Variants in SH3RF3 observed in about 807,000 individuals in gnomAD.
SH3RF3 encodes SH3 domain containing ring finger 3.
In SH3RF3, 29 loss-of-function variants were observed where a neutral mutation model predicts 66.3. The observed-to-expected ratio is 0.44, with a 90% CI of 0.33 to 0.60. The LOEUF (loss-of-function observed/expected upper bound fraction) is 0.60, where lower values mean the gene tolerates loss of function less well. Among genes scored for constraint, SH3RF3 ranks in the 20% least tolerant of loss-of-function variants. SH3RF3 has a pLI of 0.04. For synonymous variants in SH3RF3, 583 were observed against 532.0 expected (o/e 1.10, Z -1.32); for missense variants, 1,194 against 1,190.9 (o/e 1.00, Z -0.04).
At chr2:109,415,471 G>C (rs1436038863) in intron 4 of SH3RF3, among the ~76,000 whole-genome samples, 1 of 152,170 alleles carries the variant, frequency 6.6e-6, no homozygotes, top group Non-Finnish European at 1.5e-5. Context: ...GGGTGCTACA[G>C]TCGCGGCTGC....
chr2:109,135,399 G>A (rs1259774048), intron 1 of SH3RF3, among the ~76,000 whole-genome samples: 1 of 152,248 alleles, frequency 6.6e-6, no homozygotes, highest in African/African-American at 2.4e-5. Flanking sequence ...CATCTGCCCC[G>A]GGGCAAATGG....
At chr2:109,213,939 A>G (rs1679051209) in intron 1 of SH3RF3, among the ~76,000 whole-genome samples, 1 of 152,174 alleles carries the variant, frequency 6.6e-6, no homozygotes, top group Admixed American at 6.5e-5. Flanking sequence ...TGACTCAGTG[A>G]CTGCCCTCAG....
intron 1 of SH3RF3, among the ~76,000 whole-genome samples, chr2:109,159,730 A>G (rs1211813445): frequency 2.6e-5 from 4 of 152,116 alleles, no homozygotes; most frequent in African/African-American, 9.7e-5. Flanking sequence ...CTTGATTTCC[A>G]TCTTTTGTCT....
intron 1 of SH3RF3, among the ~76,000 whole-genome samples, chr2:109,185,245 G>T (rs1678158549): frequency 6.6e-6 from 1 of 152,186 alleles, no homozygotes; most frequent in African/African-American, 2.4e-5. Flanking sequence ...ATTTGACAGG[G>T]ACATGTTATC....
intron 5 of SH3RF3, among the ~76,000 whole-genome samples, chr2:109,429,882 G>C (rs1350074478): frequency 6.6e-6 from 1 of 152,326 alleles, no homozygotes; most frequent in South Asian, 2.1e-4. Flanking sequence ...GCTGTGCAGG[G>C]AGCCTGCAGT....
intron 8 of SH3RF3, among the ~76,000 whole-genome samples, chr2:109,468,855 GAAAAAAA>G (rs397940375): frequency 2.3e-4 from 15 of 64,862 alleles, no homozygotes; most frequent in African/African-American, 6.0e-4. Context: ...CTCTGTCTCA[GAAAAAAA>G]AAAAAAAAAA....
At chr2:109,235,556 AC>A (rs1316513431) in intron 1 of SH3RF3, among the ~76,000 whole-genome samples, 1 of 152,196 alleles carries the variant, frequency 6.6e-6, no homozygotes, top group Non-Finnish European at 1.5e-5. Context: ...GCTGGAAGTG[AC>A]TGGTAAGATG....
intron 1 of SH3RF3, among the ~76,000 whole-genome samples, chr2:109,139,021 G>C (rs533201203): frequency 6.6e-6 from 1 of 152,212 alleles, no homozygotes; most frequent in Non-Finnish European, 1.5e-5. Context: ...GATGGCAGGG[G>C]ACGTGGAGTC....
intron 1 of SH3RF3, among the ~76,000 whole-genome samples, chr2:109,270,557 G>C (rs1376205050): frequency 6.6e-6 from 1 of 152,150 alleles, no homozygotes; most frequent in African/African-American, 2.4e-5. Flanking sequence ...GTGACAGCCC[G>C]GGGCAGTGTG....
intron 1 of SH3RF3, among the ~76,000 whole-genome samples, chr2:109,304,061 A>G (rs1432835168): frequency 6.6e-6 from 1 of 151,574 alleles, no homozygotes; most frequent in Non-Finnish European, 1.5e-5. Flanking sequence ...AGATCGCGCC[A>G]TTGCACTCCA....
intron 2 of SH3RF3, among the ~76,000 whole-genome samples, chr2:109,359,097 G>A (rs974599540): frequency 6.6e-6 from 1 of 151,926 alleles, no homozygotes; most frequent in Non-Finnish European, 1.5e-5. Context: ...GTATTTATGT[G>A]GGTTTATTTC....
At chr2:109,141,252 C>A (rs1676941326) in intron 1 of SH3RF3, among the ~76,000 whole-genome samples, 1 of 152,198 alleles carries the variant, frequency 6.6e-6, no homozygotes, top group African/African-American at 2.4e-5. Flanking sequence ...TCACTCTTCC[C>A]CTCTGTGGGC....
At chr2:109,455,498 A>T (rs1394713888) in intron 8 of SH3RF3, among the ~76,000 whole-genome samples, 4 of 150,636 alleles carry the variant, frequency 2.7e-5, no homozygotes, top group Non-Finnish European at 5.9e-5. Context: ...CCACCCATTA[A>T]ATATATGTAT....
At chr2:109,199,608 G>GC (rs1678606484) in intron 1 of SH3RF3, among the ~76,000 whole-genome samples, 2 of 234 alleles carry the variant, frequency 8.5e-3, no homozygotes, top group African/African-American at 0.012. Context: ...GGAATGGAAT[G>GC]GAATGGAATG....
intron 3 of SH3RF3, among the ~76,000 whole-genome samples, chr2:109,378,915 G>A (rs1683450196): frequency 6.6e-6 from 1 of 152,156 alleles, no homozygotes; most frequent in Non-Finnish European, 1.5e-5. Context: ...GAAGACTCCA[G>A]GGGACTTTCT....
intron 3 of SH3RF3, among the ~76,000 whole-genome samples, chr2:109,382,935 C>G (rs1409914103): frequency 6.6e-6 from 1 of 152,254 alleles, no homozygotes; most frequent in Non-Finnish European, 1.5e-5. Flanking sequence ...CACGCTCTTC[C>G]AGGCCCATGC....
In SH3RF3 at chr2:109,432,591, G is replaced by A; in HGVS notation, c.1494G>A (p.Gln498=). Residue 498 remains glutamine, a synonymous_variant, in exon 6 of 10, where the codon CAG becomes CAA. Coordinates refer to ENST00000309415, the MANE Select transcript of SH3RF3 (RefSeq NM_001099289.3). The stretch of plus-strand genomic sequence containing the variant: ...TGTACCGGGTCCTCGAGAAGTGTCA[G>A]GATGGCTGGTTCAAGGGGGCGTCTC... The part of the protein sequence containing the change: ...GEMYRVLEKC[Q]DGWFKGASLR... 6.2e-7 allele frequency: 1 copy of A among 1,613,604 alleles called. No individual in the cohort carries two copies. Among genetic ancestry groups the A allele is most frequent in the East Asian group, 2.2e-5 (1 of 44,864 alleles).
chr2:109,389,280 A>C (rs1024746998), intron 3 of SH3RF3, among the ~76,000 whole-genome samples: 1 of 152,212 alleles, frequency 6.6e-6, no homozygotes, highest in Non-Finnish European at 1.5e-5. Flanking sequence ...CTTGTGCATC[A>C]GGTTCACACC....
At chr2:109,347,514 A>G (rs906087853) in intron 1 of SH3RF3, among the ~76,000 whole-genome samples, 160 bp from the exon 2 acceptor site, 1 of 152,078 alleles carries the variant, frequency 6.6e-6, no homozygotes, top group African/African-American at 2.4e-5. Flanking sequence ...TGTTCCTGTG[A>G]CAGGCTGTTT....
Sources: gnomAD v4.1 joint callset for allele counts (sites outside exome capture counted in the v4.1 genomes callset) on GRCh38, gnomAD v4.1.1 for gene constraint, MANE v1.5 for transcripts, NCBI Gene and HGNC (gene_info 2026-07-23, HGNC 2026-07-21) for gene names.